The following PDE7B variants were observed in gnomAD, a reference collection of about 807,000 sequenced individuals.
PDE7B encodes the protein phosphodiesterase 7B.
Under a neutral mutation model 56.2 loss-of-function variants are expected in PDE7B, and 29 were observed. The observed-to-expected ratio is 0.52, with a 90% CI of 0.38 to 0.70. The LOEUF is 0.70. Among genes scored for constraint, PDE7B ranks in the 30% least tolerant of loss-of-function variants. The pLI, the probability that PDE7B is intolerant of heterozygous loss-of-function variation, is 0.00. For synonymous variants in PDE7B, 197 were observed against 196.9 expected, an observed-to-expected ratio of 1.00 and a Z score of 0.00; for missense variants, 490 against 565.0, an observed-to-expected ratio of 0.87 and a Z score of 1.35.
chr6:136,037,760 G>A, intron 2 of PDE7B: 1 of 985,474 alleles, frequency 1.0e-6, no homozygotes, highest in Non-Finnish European at 1.2e-6. Context: ...TTCTTTGCCT[G>A]AAGTCCTTAA....
intron 8 of PDE7B, among the ~76,000 whole-genome samples, chr6:136,159,709 A>G (rs1778671325): frequency 6.6e-6 from 1 of 152,174 alleles, no homozygotes; most frequent in African/African-American, 2.4e-5. Flanking sequence ...AACACAGACA[A>G]TGTTCCTGTT....
intron 2 of PDE7B, among the ~76,000 whole-genome samples, chr6:135,988,542 T>C (rs1775421266): frequency 6.6e-6 from 1 of 152,196 alleles, no homozygotes; most frequent in African/African-American, 2.4e-5. Flanking sequence ...TGTATAGGTA[T>C]AGAAGAGAGA....
At chr6:136,184,871 G>A (rs1018501602) in intron 11 of PDE7B, among the ~76,000 whole-genome samples, 2 of 152,128 alleles carry the variant, frequency 1.3e-5, no homozygotes, top group Non-Finnish European at 2.9e-5. Flanking sequence ...CTTCTAAGAG[G>A]GAGAAACAGG....
chr6:136,187,448 T>G (rs1779160193), intron 12 of PDE7B, among the ~76,000 whole-genome samples: 1 of 152,190 alleles, frequency 6.6e-6, no homozygotes, highest in Admixed American at 6.5e-5. Flanking sequence ...CTGCAGGGCT[T>G]GAAGGTGGGA....
intron 1 of PDE7B, among the ~76,000 whole-genome samples, chr6:135,928,469 TTA>T (rs201188970): frequency 0.43 from 34,134 of 79,096 alleles, 7,498 homozygotes; most frequent in East Asian, 0.65. Context: ...ATATATTTAT[TTA>T]TATATATATA....
chr6:135,933,461 A>G (rs1324299374), intron 1 of PDE7B, among the ~76,000 whole-genome samples: 1 of 152,240 alleles, frequency 6.6e-6, no homozygotes, highest in Non-Finnish European at 1.5e-5. Context: ...CACCTGCTTT[A>G]AGCCAAACAT....
At chr6:136,153,670 C>G (rs545852725) in intron 6 of PDE7B, among the ~76,000 whole-genome samples, 1 of 152,200 alleles carries the variant, frequency 6.6e-6, no homozygotes, top group South Asian at 2.1e-4. Flanking sequence ...GCTACTTGGG[C>G]TCTTTGAAGG....
At chr6:136,183,072 C>CCAAA in intron 11 of PDE7B, among the ~76,000 whole-genome samples, 1 of 50,536 alleles carries the variant, frequency 2.0e-5, no homozygotes, top group African/African-American at 7.1e-5. Flanking sequence ...ACTCCGTCTC[C>CCAAA]AAAAAAAAAA....
At chr6:136,122,168 T>C (rs185090250) in intron 3 of PDE7B, among the ~76,000 whole-genome samples, 1 of 151,918 alleles carries the variant, frequency 6.6e-6, no homozygotes, top group East Asian at 1.9e-4. Context: ...GCTAATTTTT[T>C]GTATTTTTAG....
intron 8 of PDE7B, among the ~76,000 whole-genome samples, chr6:136,158,111 G>A (rs923846396): frequency 1.3e-5 from 2 of 152,070 alleles, no homozygotes; most frequent in African/African-American, 4.8e-5. Flanking sequence ...TATATAAGCT[G>A]AGCAAACCCA....
At chr6:136,124,733 T>C (rs1777992893) in intron 3 of PDE7B, among the ~76,000 whole-genome samples, 1 of 152,246 alleles carries the variant, frequency 6.6e-6, no homozygotes, top group Non-Finnish European at 1.5e-5. Context: ...TCTTGACAGA[T>C]ATTTGTTGAA....
chr6:136,131,146 C>T (rs566444076), intron 3 of PDE7B, among the ~76,000 whole-genome samples: 53 of 152,202 alleles, frequency 3.5e-4, no homozygotes, highest in Middle Eastern at 6.8e-3. Flanking sequence ...CATCAGACTA[C>T]AAAAAACAAA....
At chr6:136,012,441 T>A (rs1037977435) in intron 2 of PDE7B, among the ~76,000 whole-genome samples, 3 of 152,228 alleles carry the variant, frequency 2.0e-5, no homozygotes, top group African/African-American at 7.2e-5. Context: ...AGTCACTGCT[T>A]CCTTTGTCCT....
chr6:135,939,355 G>T (rs1056174809), intron 1 of PDE7B, among the ~76,000 whole-genome samples: 1 of 152,110 alleles, frequency 6.6e-6, no homozygotes, highest in Non-Finnish European at 1.5e-5. Flanking sequence ...TGGACGATGA[G>T]GCCCTGATTT....
intron 3 of PDE7B, among the ~76,000 whole-genome samples, chr6:136,139,756 C>A (rs1243076356): frequency 6.6e-6 from 1 of 152,206 alleles, no homozygotes; most frequent in Non-Finnish European, 1.5e-5. Context: ...CTTTTGGCTG[C>A]ATAAATGTCT....
intron 3 of PDE7B, among the ~76,000 whole-genome samples, chr6:136,133,597 A>G (rs1778156621): frequency 1.3e-5 from 2 of 152,192 alleles, no homozygotes; most frequent in South Asian, 4.1e-4. Flanking sequence ...TTACACTTCA[A>G]TAAATAGTCA....
At chr6:136,190,040 T>C (rs998062348) in intron 12 of PDE7B, among the ~76,000 whole-genome samples, 12 of 152,218 alleles carry the variant, frequency 7.9e-5, no homozygotes, top group African/African-American at 1.4e-4. Context: ...TTTTTTATAC[T>C]GAGATAAACT....
At chr6:136,136,710 A>G (rs1778216835) in intron 3 of PDE7B, among the ~76,000 whole-genome samples, 1 of 151,970 alleles carries the variant, frequency 6.6e-6, no homozygotes, top group South Asian at 2.1e-4. Flanking sequence ...TGTACCCACA[A>G]AAATTAAAAA....
At position 136,173,779 on chromosome 6, in the gene PDE7B, T is replaced by G; in HGVS notation, c.712-18T>G. ...TGGCTTCCCTCTCATTTATAACTCTTATTTTCTTTCTTTCTAGAATATGTC... is the reference window on the plus strand; with the variant it reads ...TGGCTTCCCTCTCATTTATAACTCTGATTTTCTTTCTTTCTAGAATATGTC... On this transcript the variant is annotated intron_variant, in intron 8 of 12. Transcript: ENST00000308191. 6.5e-7 allele frequency: 1 copy of G among 1,533,106 alleles called. No individual in the cohort carries two copies. The highest frequency in any genetic ancestry group is 9.0e-7 in the Non-Finnish European group (1 of 1,107,940). 95.0% of individuals were successfully genotyped at this position (1,533,106 alleles called of 1,614,324 possible). A position where few individuals can be genotyped will look rare whatever the true frequency, so the allele number is the denominator to read the frequency against.
Sources: allele counts gnomAD v4.1 joint callset (sites outside exome capture counted in the v4.1 genomes callset), GRCh38; gene constraint gnomAD v4.1.1; transcripts MANE v1.5; gene names NCBI Gene and HGNC (gene_info 2026-07-23, HGNC 2026-07-21).